Variants in LRIG2 observed in about 807,000 individuals in gnomAD.
LRIG2 encodes the protein leucine-rich repeats and immunoglobulin-like domains protein 2.
LRIG2 carries 93 observed loss-of-function variants against 107.8 expected under a neutral mutation model. The ratio of observed to expected loss-of-function variants is 0.86; its 90% CI spans 0.73 to 1.03. The LOEUF (loss-of-function observed/expected upper bound fraction) is 1.03, where lower values mean the gene tolerates loss of function less well. Ranked by LOEUF, LRIG2 falls within the 50% of genes least tolerant of loss-of-function variation. The probability of loss-of-function intolerance (pLI) is 0.00; values close to 1 mark genes in which losing one functional copy is unlikely to be tolerated. For missense variants in LRIG2, 1,226 were observed against 1,296.0 expected (o/e 0.95, Z 0.83); for synonymous variants, 471 against 470.6 (o/e 1.00, Z -0.01).
At chr1:113,114,135 CT>C (rs71590540) in intron 14 of LRIG2, among the ~76,000 whole-genome samples, 2 of 150,946 alleles carry the variant, frequency 1.3e-5, no homozygotes, top group African/African-American at 2.4e-5. Context: ...CTTTGAATTT[CT>C]TTTTTTTTAA....
chr1:113,108,220 A>G (rs1178953882), intron 12 of LRIG2, among the ~76,000 whole-genome samples: 1 of 150,516 alleles, frequency 6.6e-6, no homozygotes, highest in Non-Finnish European at 1.5e-5. Flanking sequence ...ATAATTTCAA[A>G]TATACTTTTT....
At chr1:113,086,051 G>C (rs1033660827) in intron 1 of LRIG2, among the ~76,000 whole-genome samples, 9 of 140,800 alleles carry the variant, frequency 6.4e-5, no homozygotes, top group Admixed American at 2.3e-4. Flanking sequence ...TTGTTGCTCA[G>C]GCTGGTGTGC....
In LRIG2 at chr1:113,095,854, C is replaced by G. The variant is rs1654037717; in HGVS notation, c.804-20C>G. On this transcript the variant is annotated intron_variant, in intron 6 of 17. Coordinates refer to ENST00000361127, the MANE Select transcript of LRIG2 (RefSeq NM_014813.3). ...GCCTTGTTTTGGAACGTATTTTCTT[C>G]TCTTTCTCTAATTCTGCAGAGAACT... 6.2e-7 allele frequency: 1 copy of G among 1,613,642 alleles called. No homozygotes were observed. Among genetic ancestry groups the G allele is most frequent in the Admixed American group, 1.7e-5 (1 of 59,938 alleles).
At position 113,107,635 on chromosome 1, in the gene LRIG2, A is replaced by G; in HGVS notation, c.1355A>G (p.Lys452Arg). 1 of 1,613,644 alleles carries G rather than the reference A, an allele frequency of 6.2e-7. No individual in the cohort carries two copies. The highest frequency in any genetic ancestry group is 8.5e-7 in the Non-Finnish European group (1 of 1,179,882). ...TSSLLCDCHL[K>R]WLLQWLVDNN... Reference sequence around the variant, plus strand: ...AGTTTGCTCTGTGACTGCCATTTGAAGTGGCTACTTCAATGGTTGGTTGAT... The same window carrying G: ...AGTTTGCTCTGTGACTGCCATTTGAGGTGGCTACTTCAATGGTTGGTTGAT... Residue 452 changes from lysine (K) to arginine (R), a missense_variant, in exon 12 of 18, where the codon AAG becomes AGG. Physicochemically the swap from Lys to Arg is conservative, Grantham distance 26. This residue lies in a region of LRIG2 where 570 missense variants were observed against 550.2 expected (regional missense o/e 1.04). Transcript: ENST00000361127.
At chr1:113,110,603 A>G in intron 13 of LRIG2, 41 bp downstream of exon 13, 8 of 1,407,922 alleles carry the variant, frequency 5.7e-6, no homozygotes, top group Non-Finnish European at 7.8e-6. Context: ...GTTTAGAAGG[A>G]TTTTTCATGT....
chr1:113,123,845 C>A, intron 17 of LRIG2, 30 bp from the exon 18 acceptor site: 1 of 1,577,016 alleles, frequency 6.3e-7, no homozygotes, highest in Non-Finnish European at 8.7e-7. Context: ...TTACCAGTCA[C>A]TACTGATAAT....
rs10641659 is a variant in LRIG2 at position 113,083,345 on chromosome 1, C to CTTT, written c.240-7957_240-7955dup. On this transcript the variant is annotated intron_variant, in intron 1 of 17. Coordinates refer to ENST00000361127, the MANE Select transcript of LRIG2 (RefSeq NM_014813.3). ...ATGAGCCACCACACCTGGCTGCTCA[C>CTTT]TTTTTTTTTTTTTTTTTTGAGACGG... is the stretch of plus-strand genomic sequence containing the variant. Among the ~76,000 whole-genome samples the CTTT allele has an allele frequency of 2.5e-3, 275 of 109,008 alleles. 7 individuals are homozygous for CTTT. The highest frequency in any genetic ancestry group is 4.5e-3 in the East Asian group (16 of 3,586). 71.5% of individuals were successfully genotyped at this position (109,008 alleles called of 152,430 possible). A position where few individuals can be genotyped will look rare whatever the true frequency, so the allele number is the denominator to read the frequency against.
Position 113,094,724 on chromosome 1 carries a change from G to C in LRIG2, c.772G>C (p.Ala258Pro). 1.9e-6 allele frequency: 3 copies of C among 1,613,844 alleles called. No homozygotes were observed. The highest frequency in any genetic ancestry group is 2.5e-6 in the Non-Finnish European group (3 of 1,179,862). Residue 258 changes from alanine (A) to proline (P), a missense_variant, in exon 6 of 18, where the codon GCA (alanine) becomes CCA (proline). Physicochemically the swap from Ala to Pro is conservative, Grantham distance 27. Around this residue, in one of 3 missense-constraint regions of LRIG2, gnomAD observed 570 missense variants for 550.2 expected, o/e 1.04. Transcript: ENST00000361127. ...TGGAATTAGCAAACTTAAGGATGGA[G>C]CATTTTTTGGCTTGAATAACATGGA... ...RNGISKLKDGAFFGLNNMEEL... is the reference protein window; with the variant it reads ...RNGISKLKDGPFFGLNNMEEL...
At chr1:113,079,182 C>CA (rs549095372) in intron 1 of LRIG2, among the ~76,000 whole-genome samples, 96 of 151,308 alleles carry the variant, frequency 6.3e-4, no homozygotes, top group Non-Finnish European at 9.6e-4. Context: ...CACTGTCTGT[C>CA]AAAAAAAGTG....
intron 13 of LRIG2, among the ~76,000 whole-genome samples, chr1:113,111,839 A>G (rs1317441296): frequency 6.6e-6 from 1 of 151,904 alleles, no homozygotes; most frequent in Non-Finnish European, 1.5e-5. Context: ...ATGGACTCTC[A>G]CTCTGTCATG....
chr1:113,097,637 C>T (rs1194544867), intron 8 of LRIG2, among the ~76,000 whole-genome samples: 1 of 152,146 alleles, frequency 6.6e-6, no homozygotes, highest in South Asian at 2.1e-4. Context: ...TAGTATACCA[C>T]TGATTATTAC....
intron 1 of LRIG2, among the ~76,000 whole-genome samples, chr1:113,075,619 T>A (rs1487800158): frequency 1.3e-5 from 2 of 152,036 alleles, no homozygotes; most frequent in Non-Finnish European, 2.9e-5. Context: ...GCTACCTGAT[T>A]ATAACAATAA....
At chr1:113,089,675 G>GTTTTTT (rs1653706248) in intron 1 of LRIG2, among the ~76,000 whole-genome samples, 2 of 27,944 alleles carry the variant, frequency 7.2e-5, no homozygotes, top group Non-Finnish European at 1.2e-4. Context: ...AAGGTGGATT[G>GTTTTTT]CTTTTTTTTT....
intron 1 of LRIG2, among the ~76,000 whole-genome samples, chr1:113,076,192 G>C (rs183474855): frequency 6.6e-6 from 1 of 151,842 alleles, no homozygotes; most frequent in Non-Finnish European, 1.5e-5. Context: ...TTTCAGTAGA[G>C]ACGGGGTTTC....
intron 1 of LRIG2, among the ~76,000 whole-genome samples, chr1:113,089,840 G>A (rs754056137): frequency 3.4e-4 from 51 of 151,816 alleles, no homozygotes; most frequent in African/African-American, 1.1e-3. Context: ...TTACAGGTGC[G>A]TGCCACCATG....
chr1:113,098,733 G>T lies in LRIG2; in HGVS notation c.1120G>T (p.Ala374Ser), dbSNP rs1313686689. 6 of 1,612,560 alleles carry T rather than the reference G, an allele frequency of 3.7e-6. No homozygotes were observed. In the African/African-American group the frequency reaches 6.7e-5, roughly 18 times the overall value. The change falls in exon 9 of 18, where the codon GCC (alanine) becomes TCC (serine). Residue 374 changes from alanine to serine, a missense_variant. Physicochemically the swap from Ala to Ser is moderately conservative, Grantham distance 99 (BLOSUM62 1). Coordinates refer to ENST00000361127, the MANE Select transcript of LRIG2 (RefSeq NM_014813.3). ...LDLRNNEISW[A>S]IEDASEAFAG... ...CTTAAGAAACAATGAAATTTCATGG[G>T]CCATAGAAGATGCTAGTGAAGCCTT...
chr1:113,110,135 A>G, intron 12 of LRIG2, 107 bp from the exon 13 acceptor site: 1 of 775,904 alleles, frequency 1.3e-6, no homozygotes, highest in South Asian at 1.9e-5. Context: ...CAACTTTAAT[A>G]TGCCACTTTG....
At chr1:113,076,210 T>C (rs530766852) in intron 1 of LRIG2, among the ~76,000 whole-genome samples, 1 of 152,202 alleles carries the variant, frequency 6.6e-6, no homozygotes, top group South Asian at 2.1e-4. Context: ...TTCACCATGT[T>C]GGCCAGGCTG....
At chr1:113,099,409 A>T (rs561522138) in intron 9 of LRIG2, among the ~76,000 whole-genome samples, 75 of 140,010 alleles carry the variant, frequency 5.4e-4, no homozygotes, top group Non-Finnish European at 8.6e-4. Flanking sequence ...GCTAATTAAA[A>T]TTTTTTTTTT....
Sources: allele counts gnomAD v4.1 joint callset (sites outside exome capture counted in the v4.1 genomes callset), GRCh38; gene constraint gnomAD v4.1.1; regional missense constraint gnomAD v4.1.1; transcripts MANE v1.5; gene names NCBI Gene and HGNC (gene_info 2026-07-23, HGNC 2026-07-21).